Variants in LRFN5 observed in about 807,000 individuals in gnomAD.
LRFN5 encodes the protein leucine-rich repeat and fibronectin type-III domain-containing protein 5.
In LRFN5, 24 loss-of-function variants were observed where a neutral mutation model predicts 45.6. The observed-to-expected ratio is 0.53, with a 90% CI of 0.38 to 0.74. The LOEUF (loss-of-function observed/expected upper bound fraction) is 0.74, where lower values mean the gene tolerates loss of function less well. LRFN5 is among the 30% of genes least tolerant of loss of function. LRFN5 has a pLI of 0.00. For synonymous variants in LRFN5, 340 were observed against 313.8 expected (o/e 1.08, Z -0.88); for missense variants, 776 against 861.5 (o/e 0.90, Z 1.24).
At chr14:41,658,271 GA>G (rs1880470962) in intron 1 of LRFN5, among the ~76,000 whole-genome samples, 1 of 151,934 alleles carries the variant, frequency 6.6e-6, no homozygotes, top group African/African-American at 2.4e-5. Context: ...AATGAAGAGG[GA>G]CTGGCATTTT....
At chr14:41,731,511 A>C (rs769677392) in intron 1 of LRFN5, among the ~76,000 whole-genome samples, 1 of 152,162 alleles carries the variant, frequency 6.6e-6, no homozygotes, top group Non-Finnish European at 1.5e-5. Flanking sequence ...AATAAATGAT[A>C]GAATCAAATT....
chr14:41,848,161 T>C (rs1388867706), intron 2 of LRFN5, among the ~76,000 whole-genome samples: 1 of 152,056 alleles, frequency 6.6e-6, no homozygotes, highest in Non-Finnish European at 1.5e-5. Context: ...TAAAGGATCA[T>C]TACCAATATA....
At chr14:41,876,309 G>T (rs1244312222) in intron 2 of LRFN5, among the ~76,000 whole-genome samples, 45 of 123,350 alleles carry the variant, frequency 3.6e-4, no homozygotes, top group African/African-American at 1.3e-3. Flanking sequence ...GAGACGGAGT[G>T]TCGCTCTGTC....
At chr14:41,888,515 T>G (rs1034543628) in intron 3 of LRFN5, among the ~76,000 whole-genome samples, 2 of 152,150 alleles carry the variant, frequency 1.3e-5, no homozygotes, top group African/African-American at 2.4e-5. Flanking sequence ...AAAAGCCATT[T>G]GGAGTCAAGT....
At chr14:41,769,642 C>A (rs1886010576) in intron 2 of LRFN5, among the ~76,000 whole-genome samples, 1 of 151,984 alleles carries the variant, frequency 6.6e-6, no homozygotes, top group African/African-American at 2.4e-5. Flanking sequence ...ATTAAGGTAT[C>A]CTTAATGACA....
chr14:41,682,325 C>A (rs762315327), intron 1 of LRFN5, among the ~76,000 whole-genome samples: 27 of 151,704 alleles, frequency 1.8e-4, no homozygotes, highest in Admixed American at 5.9e-4. Context: ...TACAAACAAA[C>A]AACAAAACAT....
At chr14:41,819,634 G>C (rs1033232254) in intron 2 of LRFN5, among the ~76,000 whole-genome samples, 5 of 152,090 alleles carry the variant, frequency 3.3e-5, no homozygotes, top group Admixed American at 2.6e-4. Flanking sequence ...GGCAAAGTGA[G>C]AGCAGGCATC....
At chr14:41,621,667 C>T (rs931010322) in intron 1 of LRFN5, among the ~76,000 whole-genome samples, 1 of 152,038 alleles carries the variant, frequency 6.6e-6, no homozygotes, top group Admixed American at 6.6e-5. Context: ...TCACTTAGAA[C>T]TCATTTAGCA....
chr14:41,793,070 G>C (rs1886987947), intron 2 of LRFN5, among the ~76,000 whole-genome samples: 1 of 151,454 alleles, frequency 6.6e-6, no homozygotes, highest in Non-Finnish European at 1.5e-5. Flanking sequence ...AGTGGGTGCA[G>C]CGCACCAGCA....
chr14:41,730,347 T>C (rs1011137306), intron 1 of LRFN5, among the ~76,000 whole-genome samples: 2 of 152,054 alleles, frequency 1.3e-5, no homozygotes, highest in Non-Finnish European at 2.9e-5. Context: ...TATTCCTTTC[T>C]AGTCTTTGAT....
rs1881772703 is a variant in LRFN5 at position 41,679,144 on chromosome 14, T to C, written c.-197+70582T>C. Among the ~76,000 whole-genome samples, 4 of 152,146 alleles carry C rather than the reference T, an allele frequency of 2.6e-5. No homozygotes were observed. The South Asian group carries it at 8.3e-4, about 32-fold the overall frequency. The stretch of plus-strand genomic sequence containing the variant: ...CCCACCACTGTGGACTAAAGTACTC[T>C]TGGGTTCTAAATAAACTTGAAAGGC... On this transcript the variant is annotated intron_variant, in intron 1 of 5. Transcript: ENST00000298119.
At chr14:41,867,762 C>T (rs1408739432) in intron 2 of LRFN5, among the ~76,000 whole-genome samples, 1 of 151,986 alleles carries the variant, frequency 6.6e-6, no homozygotes, top group African/African-American at 2.4e-5. Context: ...TTTGTCACTT[C>T]TCACCTTTTT....
In LRFN5 at chr14:41,891,805, T is replaced by A. The variant is rs1045836117; in HGVS notation, c.1941T>A (p.Thr647=). The change falls in exon 4 of 6, where the codon ACT becomes ACA. Residue 647 remains threonine, a synonymous_variant. Transcript: ENST00000298119. ...TGTCCCAAAAGCAGAAAAGAAAGACTGGCACAAAGCCAAGTACAGAACCAC... is the reference window on the plus strand; with the variant it reads ...TGTCCCAAAAGCAGAAAAGAAAGACAGGCACAAAGCCAAGTACAGAACCAC... The part of the protein sequence containing the change: ...TSVSQKQKRK[T]GTKPSTEPQN... 7.4e-6 allele frequency: 12 copies of A among 1,614,014 alleles called. No homozygotes were observed. The highest frequency in any genetic ancestry group is 1.0e-5 in the Non-Finnish European group (12 of 1,180,024).
chr14:41,828,468 T>C lies in LRFN5; in HGVS notation c.-20-58138T>C, dbSNP rs58248919. Among the ~76,000 whole-genome samples, 1,260 of 152,128 alleles carry C rather than the reference T, an allele frequency of 8.3e-3. 21 individuals are homozygous for C. The highest frequency in any genetic ancestry group is 0.029 in the African/African-American group (1,199 of 41,546). On this transcript the variant is annotated intron_variant, in intron 2 of 5. Transcript: ENST00000298119. ...TAGTTGATGAAGAAATGTTACATAC[T>C]AAACAAATGCTTCTTTAACAAGCAC...
intron 2 of LRFN5, among the ~76,000 whole-genome samples, chr14:41,873,581 T>C (rs2139123239): frequency 6.6e-6 from 1 of 152,240 alleles, no homozygotes; most frequent in East Asian, 1.9e-4. Flanking sequence ...AGTAAATTCA[T>C]TTTTTGTCCT....
intron 2 of LRFN5, among the ~76,000 whole-genome samples, chr14:41,839,745 G>C (rs769370763): frequency 5.3e-5 from 8 of 152,028 alleles, no homozygotes; most frequent in Non-Finnish European, 8.8e-5. Flanking sequence ...TTCTCTTCCT[G>C]ATCTAAATAC....
chr14:41,778,522 T>C (rs1164640498), intron 2 of LRFN5, among the ~76,000 whole-genome samples: 1 of 151,788 alleles, frequency 6.6e-6, no homozygotes, highest in Non-Finnish European at 1.5e-5. Context: ...TTGTTATTAT[T>C]ATCATCATGA....
At chr14:41,732,173 G>T (rs1594654628) in intron 1 of LRFN5, among the ~76,000 whole-genome samples, 1 of 152,278 alleles carries the variant, frequency 6.6e-6, no homozygotes, top group Middle Eastern at 3.4e-3. Flanking sequence ...CTGTGTACAT[G>T]TTCCTAGAGC....
chr14:41,658,228 A>G (rs1368954876), intron 1 of LRFN5, among the ~76,000 whole-genome samples: 1 of 151,968 alleles, frequency 6.6e-6, no homozygotes, highest in African/African-American at 2.4e-5. Context: ...GTCAGGAAAG[A>G]CTGACCTTGC....
Sources: gnomAD v4.1 joint callset for allele counts (sites outside exome capture counted in the v4.1 genomes callset) on GRCh38, gnomAD v4.1.1 for gene constraint, MANE v1.5 for transcripts, NCBI Gene and HGNC (gene_info 2026-07-23, HGNC 2026-07-21) for gene names.